Variants in NAV2 observed in about 807,000 individuals in gnomAD.
NAV2 encodes the protein neuron navigator 2, also known as helicase, APC down-regulated 1.
A neutral mutation model predicts 223.2 loss-of-function variants in NAV2; 54 were observed. The observed-to-expected ratio is 0.24, with a 90% CI of 0.19 to 0.30. NAV2 has a LOEUF of 0.30. NAV2 is among the 10% of genes least tolerant of loss of function. The probability of loss-of-function intolerance (pLI) is 1.00; values close to 1 mark genes in which losing one functional copy is unlikely to be tolerated. For missense variants in NAV2, 2,806 were observed against 3,147.5 expected (o/e 0.89, Z 2.60); for synonymous variants, 1,279 against 1,239.3 (o/e 1.03, Z -0.67).
At chr11:19,946,556 T>C (rs1317378138) in intron 9 of NAV2, 47 bp downstream of exon 9, 1 of 1,518,008 alleles carries the variant, frequency 6.6e-7, no homozygotes, top group South Asian at 1.2e-5. Flanking sequence ...GTATCCTAAT[T>C]TTCTCCTGTG....
intron 11 of NAV2, among the ~76,000 whole-genome samples, chr11:20,025,583 G>C (rs983012005): frequency 6.6e-6 from 1 of 152,190 alleles, no homozygotes; most frequent in Non-Finnish European, 1.5e-5. Context: ...AAGCCAAAGG[G>C]AAAAATTTCA....
chr11:19,620,370 T>C (rs538281135), intron 1 of NAV2, among the ~76,000 whole-genome samples: 59 of 152,370 alleles, frequency 3.9e-4, no homozygotes, highest in African/African-American at 1.3e-3. Context: ...ATTTTCATGA[T>C]ATTGATTCTT....
chr11:19,713,739 C>G lies in NAV2; in HGVS notation c.44C>G (p.Pro15Arg). 1 of 1,609,568 alleles carries G rather than the reference C, an allele frequency of 6.2e-7. No individual in the cohort carries two copies. Among genetic ancestry groups the G allele is most frequent in the South Asian group, 1.1e-5 (1 of 90,722 alleles). The change falls in exon 1 of 38, where the codon CCC (proline) becomes CGC (arginine). Residue 15 changes from proline (P) to arginine (R), a missense_variant. Pro to Arg is a moderately radical substitution (Grantham distance 103). Around this residue, in one of 4 missense-constraint regions of NAV2, gnomAD observed 1,167 missense variants for 1,180.5 expected, o/e 0.99. Coordinates refer to ENST00000349880, the MANE Select transcript of NAV2 (RefSeq NM_145117.5). The surrounding 1 kb of genome is among the most constrained non-coding windows in gnomAD (Gnocchi z 7.2). ...LVASKMKSGL[P>R]KPVHSAAPIL... is the part of the protein sequence containing the mutation. Reference sequence around the variant, plus strand: ...GCCTCCAAAATGAAGTCGGGACTGCCCAAACCCGTGCACAGCGCCGCGCCC... The same window carrying G: ...GCCTCCAAAATGAAGTCGGGACTGCGCAAACCCGTGCACAGCGCCGCGCCC...
At chr11:19,777,405 C>CT (rs200083334) in intron 1 of NAV2, 109,227 of 404,556 alleles carry the variant, frequency 0.27, 7,576 homozygotes, top group African/African-American at 0.37. Flanking sequence ...GGTGCTTCGG[C>CT]TTTTTTTTTT....
intron 30 of NAV2, among the ~76,000 whole-genome samples, 198 bp from the exon 31 acceptor site, chr11:20,097,379 G>C (rs1341193765): frequency 6.6e-6 from 1 of 152,004 alleles, no homozygotes; most frequent in Non-Finnish European, 1.5e-5. Flanking sequence ...AAATAAATCT[G>C]TATTTTAAGA....
At chr11:19,402,412 T>C (rs772552148) in intron 1 of NAV2, among the ~76,000 whole-genome samples, 9 of 152,238 alleles carry the variant, frequency 5.9e-5, no homozygotes, top group Non-Finnish European at 1.2e-4. Context: ...GAACACTTTG[T>C]AAGTATTAGT....
chr11:19,583,860 A>C (rs534830129), intron 1 of NAV2, among the ~76,000 whole-genome samples: 11 of 152,300 alleles, frequency 7.2e-5, no homozygotes, highest in East Asian at 5.8e-4. Context: ...TGTCTCTGCC[A>C]GGCTTTGGTA....
chr11:20,020,376 T>C (rs1220400988), intron 11 of NAV2, among the ~76,000 whole-genome samples: 2 of 152,210 alleles, frequency 1.3e-5, no homozygotes, highest in Non-Finnish European at 2.9e-5. Flanking sequence ...TTTGGCCTGT[T>C]TAGAAGCAAG....
intron 1 of NAV2, among the ~76,000 whole-genome samples, chr11:19,594,284 T>C (rs949291023): frequency 6.6e-6 from 1 of 152,192 alleles, no homozygotes; most frequent in African/African-American, 2.4e-5. Context: ...GCTCAAGCAC[T>C]AGAACAGATT....
chr11:19,586,430 G>A lies in NAV2; in HGVS notation c.75+235403G>A, dbSNP rs1010912590. Among the ~76,000 whole-genome samples the A allele has an allele frequency of 4.6e-5, 7 of 152,180 alleles. No homozygotes were observed. The South Asian group carries it at 8.3e-4, about 18-fold the overall frequency. ...TGTTCCGTTGCTGGTGAGGAGCTGC[G>A]TTCCTTTGTAGGAGGAGAGGTGCTC... is the stretch of plus-strand genomic sequence containing the variant. On this transcript the variant is annotated intron_variant, in intron 1 of 37. Coordinates refer to the NAV2 transcript ENST00000360655.
intron 1 of NAV2, among the ~76,000 whole-genome samples, chr11:19,815,113 G>T (rs907835757): frequency 5.6e-4 from 85 of 152,268 alleles, no homozygotes; most frequent in African/African-American, 1.9e-3. Flanking sequence ...AACGATGTGG[G>T]TATGAAAGGT....
chr11:19,415,417 A>T (rs1850324652), intron 1 of NAV2, among the ~76,000 whole-genome samples: 1 of 152,228 alleles, frequency 6.6e-6, no homozygotes, highest in Non-Finnish European at 1.5e-5. Context: ...CCCTGAATAG[A>T]TCAATAACAA....
At chr11:19,973,226 C>G (rs2049403669) in intron 10 of NAV2, among the ~76,000 whole-genome samples, 1 of 152,124 alleles carries the variant, frequency 6.6e-6, no homozygotes. Flanking sequence ...TCTACATGAA[C>G]CCAGAAGGGA....
intron 1 of NAV2, among the ~76,000 whole-genome samples, chr11:19,382,837 GAC>G (rs1848895680): frequency 6.6e-6 from 1 of 152,184 alleles, no homozygotes; most frequent in African/African-American, 2.4e-5. Flanking sequence ...GCTAGTACAT[GAC>G]AGAGGCAGAA....
At chr11:19,564,814 C>T (rs1196379658) in intron 1 of NAV2, among the ~76,000 whole-genome samples, 1 of 152,204 alleles carries the variant, frequency 6.6e-6, no homozygotes, top group Non-Finnish European at 1.5e-5. Flanking sequence ...TTGCTCAGAG[C>T]CACGCAGCCA....
At chr11:19,671,575 TC>T (rs2048571138) in intron 1 of NAV2, among the ~76,000 whole-genome samples, 1 of 152,168 alleles carries the variant, frequency 6.6e-6, no homozygotes, top group South Asian at 2.1e-4. Context: ...ACCCCACTTG[TC>T]CCCTTAGCTC....
At chr11:19,640,818 C>A (rs1302385420) in intron 1 of NAV2, among the ~76,000 whole-genome samples, 1 of 152,186 alleles carries the variant, frequency 6.6e-6, no homozygotes, top group Non-Finnish European at 1.5e-5. Context: ...AAATCTAAGA[C>A]TTACAACAGG....
chr11:19,569,146 G>GA (rs1214729174), intron 1 of NAV2, among the ~76,000 whole-genome samples: 2 of 152,158 alleles, frequency 1.3e-5, no homozygotes, highest in Admixed American at 1.3e-4. Flanking sequence ...TATAGTCATG[G>GA]AAAAAAGTTT....
intron 1 of NAV2, among the ~76,000 whole-genome samples, chr11:19,351,245 T>G (rs1853292175): frequency 6.6e-6 from 1 of 152,200 alleles, no homozygotes; most frequent in African/African-American, 2.4e-5. Flanking sequence ...AATTCAGTCC[T>G]GGCAGCCAAA....
Sources: gnomAD v4.1 joint callset for allele counts (sites outside exome capture counted in the v4.1 genomes callset) on GRCh38, gnomAD v4.1.1 for gene constraint, gnomAD v4.1.1 regional missense constraint, Gnocchi (gnomAD v3.1) non-coding constraint, MANE v1.5 for transcripts, NCBI Gene and HGNC (gene_info 2026-07-23, HGNC 2026-07-21) for gene names.